The following BRSK2 variants were observed in gnomAD, a reference collection of about 807,000 sequenced individuals.
BRSK2 encodes serine/threonine-protein kinase BRSK2.
A neutral mutation model predicts 83.3 loss-of-function variants in BRSK2; 19 were observed. The ratio of observed to expected loss-of-function variants is 0.23; its 90% CI spans 0.16 to 0.33. The LOEUF is 0.33. BRSK2 is among the 10% of genes least tolerant of loss of function. The pLI is 1.00. For synonymous variants in BRSK2, 519 were observed against 435.4 expected (o/e 1.19, Z -2.39); for missense variants, 798 against 1,042.3 (o/e 0.77, Z 3.23).
rs1846242689 is a variant in BRSK2 at position 1,454,614 on chromosome 11, G to A, written c.1668+6G>A. 1 of 1,612,362 alleles carries A rather than the reference G, an allele frequency of 6.2e-7. No homozygotes were observed. Among genetic ancestry groups the A allele is most frequent in the Admixed American group, 1.7e-5 (1 of 59,984 alleles). ...TCGTGCACGCCTTCCTGTCGGTGAGGCCACAGGGCGCTGGGGGAGGCGGGC... is the reference window on the plus strand; with the variant it reads ...TCGTGCACGCCTTCCTGTCGGTGAGACCACAGGGCGCTGGGGGAGGCGGGC... On this transcript the variant is annotated splice_donor_region_variant and intron_variant, in intron 16 of 19. Transcript: ENST00000528841. This position sits in a 1 kb window ranked among gnomAD's most constrained non-coding sequence, Gnocchi z 5.2.
At chr11:1,456,902 G>A in intron 18 of BRSK2, 2 of 1,574,182 alleles carry the variant, frequency 1.3e-6, no homozygotes, top group Non-Finnish European at 1.7e-6. Flanking sequence ...CTGCACGCCA[G>A]GGACATAGGG....
intron 1 of BRSK2, among the ~76,000 whole-genome samples, chr11:1,433,399 C>A (rs147580160): frequency 6.6e-6 from 1 of 152,380 alleles, no homozygotes; most frequent in Non-Finnish European, 1.5e-5. Context: ...GTGCCTCATG[C>A]TGGGCATTTC....
intron 16 of BRSK2, among the ~76,000 whole-genome samples, chr11:1,455,357 C>G (rs955842418): frequency 2.9e-5 from 4 of 137,756 alleles, no homozygotes; most frequent in African/African-American, 1.1e-4. Context: ...GGGCTGCTGT[C>G]CTGCCCTGTG....
At chr11:1,407,994 G>C (rs751618274) in intron 1 of BRSK2, among the ~76,000 whole-genome samples, 1 of 152,218 alleles carries the variant, frequency 6.6e-6, no homozygotes, top group Non-Finnish European at 1.5e-5. Flanking sequence ...GGGGGCAGGG[G>C]CTGCCTGGGC....
chr11:1,447,915 C>A, intron 12 of BRSK2: 1 of 1,526,658 alleles, frequency 6.6e-7, no homozygotes, highest in Non-Finnish European at 8.9e-7. Flanking sequence ...GACACGCTGT[C>A]CTGCCTCAGG....
In BRSK2 at chr11:1,460,558, C is replaced by G; in HGVS notation, c.2046C>G (p.Asn682Lys). 6.5e-7 allele frequency: 1 copy of G among 1,527,046 alleles called. No individual in the cohort carries two copies. The highest frequency in any genetic ancestry group is 8.7e-7 in the Non-Finnish European group (1 of 1,143,220). The allele number at this position is 1,527,046 out of a possible 1,614,324, so 94.6% of individuals were successfully genotyped here. Residue 682 changes from asparagine (N) to lysine (K), a missense_variant, in exon 20 of 20, where the codon AAC becomes AAG. By Grantham distance (94) the Asn-to-Lys change is moderately conservative (BLOSUM62 0). Around this residue, in one of 6 missense-constraint regions of BRSK2, gnomAD observed 455 missense variants for 455.2 expected, o/e 1.00. Coordinates refer to ENST00000528841, the MANE Select transcript of BRSK2 (RefSeq NM_001256627.2). ...VIKQLFSDEK[N>K]GQAAQAPSTP... ...AACAACTTTTTTCAGACGAGAAGAA[C>G]GGGCAGGCGGCCCAGGCCCCCAGCA...
In BRSK2 at chr11:1,462,227, ACCCCAG is replaced by A. The variant is rs1847581231; in HGVS notation, c.*1506_*1511del. ...TGCCCAGTGCCCGCCGCCGTGCTTC[ACCCCAG>A]CTCCAGCTTCTGTGTTCCCTTCCGC... On this transcript the variant is annotated 3_prime_UTR_variant, in exon 20 of 20. Transcript: ENST00000528841. The A allele has an allele frequency of 6.6e-6, 1 of 152,238 alleles. No individual in the cohort carries two copies. The highest frequency in any genetic ancestry group is 1.5e-5 in the Non-Finnish European group (1 of 68,148). The allele number at this position is 152,238 out of a possible 1,614,324, so 9.4% of individuals were successfully genotyped here.
chr11:1,400,769 G>A (rs1221978863), intron 1 of BRSK2, among the ~76,000 whole-genome samples: 4 of 152,220 alleles, frequency 2.6e-5, no homozygotes, highest in Non-Finnish European at 4.4e-5. Flanking sequence ...GGGCCCTGCG[G>A]CCACCCACCC....
At chr11:1,397,490 G>A (rs1015672814) in intron 1 of BRSK2, among the ~76,000 whole-genome samples, 5 of 152,220 alleles carry the variant, frequency 3.3e-5, no homozygotes, top group African/African-American at 1.2e-4. Flanking sequence ...TTTCCTGGAC[G>A]CCTCCAGCTT....
intron 1 of BRSK2, among the ~76,000 whole-genome samples, chr11:1,407,620 C>A (rs1229378661): frequency 6.6e-6 from 1 of 152,226 alleles, no homozygotes; most frequent in African/African-American, 2.4e-5. Flanking sequence ...CCTCTAGGGG[C>A]CTCGACGCAG....
At chr11:1,411,280 A>G (rs1375131604) in intron 1 of BRSK2, 10 of 1,311,708 alleles carry the variant, frequency 7.6e-6, no homozygotes, top group Non-Finnish European at 9.7e-6. Flanking sequence ...GCAGGAAAGC[A>G]GCCAGTGCCC....
chr11:1,441,025 A>G (rs1851158304), intron 4 of BRSK2, 97 bp downstream of exon 4: 5 of 1,018,818 alleles, frequency 4.9e-6, no homozygotes, highest in Admixed American at 2.6e-5. Flanking sequence ...TACACCCCCT[A>G]TGGTGCTATT....
In BRSK2 at chr11:1,461,061, G is replaced by A. The variant is rs1006403198; in HGVS notation, c.*338G>A. On this transcript the variant is annotated 3_prime_UTR_variant, in exon 20 of 20. Coordinates refer to ENST00000528841, the MANE Select transcript of BRSK2 (RefSeq NM_001256627.2). Reference sequence around the variant, plus strand: ...GCGGACCCGCCCTCCCTCCGCTCCTGCTGTTGCTGCCGGGCAGTGAGGCCC... The same window carrying A: ...GCGGACCCGCCCTCCCTCCGCTCCTACTGTTGCTGCCGGGCAGTGAGGCCC... 1.3e-6 allele frequency: 2 copies of A among 1,599,166 alleles called. No homozygotes were observed. The highest frequency in any genetic ancestry group is 1.7e-5 in the Admixed American group (1 of 59,226).
At chr11:1,437,184 C>T (rs368964484) in intron 2 of BRSK2, among the ~76,000 whole-genome samples, 1 of 152,064 alleles carries the variant, frequency 6.6e-6, no homozygotes, top group African/African-American at 2.4e-5. Context: ...CTGTGAGCCC[C>T]GACTAAAGGA....
intron 1 of BRSK2, among the ~76,000 whole-genome samples, chr11:1,398,476 C>T (rs1029701379): frequency 6.6e-6 from 1 of 152,140 alleles, no homozygotes; most frequent in Non-Finnish European, 1.5e-5. Context: ...TTGGCCCTGC[C>T]CCCTGGGGAT....
intron 1 of BRSK2, among the ~76,000 whole-genome samples, chr11:1,414,362 G>GA (rs1409408080): frequency 3.3e-5 from 5 of 152,226 alleles, no homozygotes; most frequent in Non-Finnish European, 5.9e-5. Flanking sequence ...GTGCTCCGGG[G>GA]ATCTCAGGGC....
At position 1,444,957 on chromosome 11, in the gene BRSK2, C is replaced by A. The variant is rs1851819691; in HGVS notation, c.781-14C>A. 6.2e-7 allele frequency: 1 copy of A among 1,612,226 alleles called. No homozygotes were observed. Among genetic ancestry groups the A allele is most frequent in the Non-Finnish European group, 8.5e-7 (1 of 1,178,448 alleles). On this transcript the variant is annotated splice_polypyrimidine_tract_variant and intron_variant, in intron 8 of 19. Transcript: ENST00000528841. Reference sequence around the variant, plus strand: ...CCTCGTCCGTACTAACTCCCTGTTTCTCTTTCCTTGTAGCTAGAGCACATT... The same window carrying A: ...CCTCGTCCGTACTAACTCCCTGTTTATCTTTCCTTGTAGCTAGAGCACATT...
intron 2 of BRSK2, among the ~76,000 whole-genome samples, chr11:1,437,493 G>A (rs917230251): frequency 1.3e-5 from 2 of 152,192 alleles, no homozygotes; most frequent in Non-Finnish European, 2.9e-5. Context: ...CCCTTACCTC[G>A]GAGCAGGACT....
intron 12 of BRSK2, among the ~76,000 whole-genome samples, chr11:1,448,246 A>G (rs1852443558): frequency 6.6e-6 from 1 of 152,162 alleles, no homozygotes; most frequent in African/African-American, 2.4e-5. Context: ...GCCCACCTGC[A>G]GGAGCTGAGG....
Sources: allele counts gnomAD v4.1 joint callset (sites outside exome capture counted in the v4.1 genomes callset), GRCh38; gene constraint gnomAD v4.1.1; regional missense constraint gnomAD v4.1.1; non-coding constraint Gnocchi (gnomAD v3.1); transcripts MANE v1.5; gene names NCBI Gene and HGNC (gene_info 2026-07-23, HGNC 2026-07-21).